Variants in GALNT14 observed in about 807,000 individuals in gnomAD.
The protein encoded by GALNT14 is UDP-GalNAc:polypeptide N-acetylgalactosaminyltransferase 14.
GALNT14 carries 60 observed loss-of-function variants against 77.5 expected under a neutral mutation model. That is an observed-to-expected ratio of 0.77 (90% CI 0.63 to 0.96). The LOEUF (loss-of-function observed/expected upper bound fraction) is 0.96, where lower values mean the gene tolerates loss of function less well. Ranked by LOEUF, GALNT14 falls within the 40% of genes least tolerant of loss-of-function variation. The pLI, the probability that GALNT14 is intolerant of heterozygous loss-of-function variation, is 0.00. For synonymous variants in GALNT14, 280 were observed against 281.7 expected (o/e 0.99, Z 0.06); for missense variants, 710 against 731.0 (o/e 0.97, Z 0.33).
At chr2:31,000,648 G>A (rs6761802) in intron 1 of GALNT14, among the ~76,000 whole-genome samples, 55,125 of 152,020 alleles carry the variant, frequency 0.36, 10,301 homozygotes, top group Middle Eastern at 0.47. Flanking sequence ...TCTTGCTTGG[G>A]GAGGTCAGTT....
intron 7 of GALNT14, among the ~76,000 whole-genome samples, 171 bp downstream of exon 7, chr2:30,945,612 C>G (rs1291889816): frequency 6.6e-6 from 1 of 152,196 alleles, no homozygotes; most frequent in Non-Finnish European, 1.5e-5. Context: ...CCTAGCCCTT[C>G]CATCCACAGT....
At chr2:30,925,300 A>T (rs990176291) in intron 11 of GALNT14, among the ~76,000 whole-genome samples, 1 of 152,180 alleles carries the variant, frequency 6.6e-6, no homozygotes, top group Non-Finnish European at 1.5e-5. Context: ...ATATTCATTG[A>T]GCACCTACTA....
At chr2:31,115,172 G>A (rs1363193188) in intron 1 of GALNT14, among the ~76,000 whole-genome samples, 2 of 151,982 alleles carry the variant, frequency 1.3e-5, no homozygotes, top group African/African-American at 2.4e-5. Context: ...GATCACTTGA[G>A]CCCAGGAGGT....
At chr2:31,122,353 A>C (rs1289400135) in intron 1 of GALNT14, among the ~76,000 whole-genome samples, 1 of 152,242 alleles carries the variant, frequency 6.6e-6, no homozygotes, top group Non-Finnish European at 1.5e-5. Context: ...TGAAGCCGTG[A>C]GTAGAGGAAT....
At chr2:30,925,993 C>T (rs1413168070) in intron 11 of GALNT14, among the ~76,000 whole-genome samples, 2 of 152,152 alleles carry the variant, frequency 1.3e-5, no homozygotes, top group Admixed American at 1.3e-4. Flanking sequence ...CACCTAAGTT[C>T]ATCCATGTCT....
chr2:30,961,374 GGAGT>G (rs1192368473), intron 3 of GALNT14, among the ~76,000 whole-genome samples: 8 of 152,262 alleles, frequency 5.3e-5, no homozygotes, highest in African/African-American at 1.9e-4. Flanking sequence ...TAGTCATTCT[GGAGT>G]GAGACTAACT....
At chr2:31,035,021 C>A (rs191300923) in intron 1 of GALNT14, among the ~76,000 whole-genome samples, 35 of 152,302 alleles carry the variant, frequency 2.3e-4, no homozygotes, top group African/African-American at 7.9e-4. Flanking sequence ...AACATATGGC[C>A]TATCCTAGAG....
chr2:30,949,003 A>G (rs1200106418), intron 6 of GALNT14, among the ~76,000 whole-genome samples: 1 of 152,070 alleles, frequency 6.6e-6, no homozygotes, highest in East Asian at 1.9e-4. Context: ...CTGTCCTTCT[A>G]TTATTCCTGT....
At chr2:30,930,001 G>A (rs192634503) in intron 10 of GALNT14, among the ~76,000 whole-genome samples, 74 of 152,288 alleles carry the variant, frequency 4.9e-4, no homozygotes, top group Non-Finnish European at 8.5e-4. Context: ...GGCATCATGT[G>A]GGTGCTCAGA....
chr2:30,914,869 C>T (rs1463634208), intron 13 of GALNT14, among the ~76,000 whole-genome samples: 4 of 152,036 alleles, frequency 2.6e-5, no homozygotes, highest in Non-Finnish European at 5.9e-5. Context: ...GAAGGTGGGC[C>T]TAGAATATTC....
chr2:31,010,738 G>GC (rs1670976633), intron 1 of GALNT14, among the ~76,000 whole-genome samples: 1 of 152,100 alleles, frequency 6.6e-6, no homozygotes, highest in Non-Finnish European at 1.5e-5. Flanking sequence ...ATCAGAACCT[G>GC]CAAACTCTCC....
chr2:30,926,402 C>T lies in GALNT14; in HGVS notation c.1152-1579G>A, dbSNP rs185007292. Reference sequence around the variant, plus strand: ...ATCAGATGAGGAGTAAGTTTAGGAGCGAACGTCATGAGTTCAGTTTAGGAT... The same window carrying T: ...ATCAGATGAGGAGTAAGTTTAGGAGTGAACGTCATGAGTTCAGTTTAGGAT... On this transcript the variant is annotated intron_variant, in intron 11 of 14. Transcript: ENST00000349752. Among the ~76,000 whole-genome samples, 9 of 152,168 alleles carry T rather than the reference C, an allele frequency of 5.9e-5. No individual in the cohort carries two copies. In the East Asian group the frequency reaches 7.7e-4, roughly 13 times the overall value.
At chr2:31,042,783 A>AT (rs1673180844) in intron 1 of GALNT14, among the ~76,000 whole-genome samples, 1 of 152,108 alleles carries the variant, frequency 6.6e-6, no homozygotes, top group African/African-American at 2.4e-5. Context: ...TCCAGCCTCC[A>AT]CCGTCTCAGG....
At chr2:31,098,984 G>A (rs1677132886) in intron 1 of GALNT14, among the ~76,000 whole-genome samples, 1 of 152,072 alleles carries the variant, frequency 6.6e-6, no homozygotes, top group Non-Finnish European at 1.5e-5. Context: ...GTCTTGCTGT[G>A]TCAGGGGTGG....
rs1665605044 is a variant in GALNT14, at chr2:30,929,589, C to T, written c.1059-102G>A. 9 of 808,986 alleles carry T rather than the reference C, an allele frequency of 1.1e-5. No homozygotes were observed. The South Asian group carries it at 1.3e-4, about 12-fold the overall frequency. 50.1% of individuals were successfully genotyped at this position (808,986 alleles called of 1,614,324 possible). On this transcript the variant is annotated intron_variant, in intron 10 of 14. Coordinates refer to ENST00000349752, the MANE Select transcript of GALNT14 (RefSeq NM_024572.4). ...CATGTGTGGGCTGAGTTGGCAACAC[C>T]ACCTAGGTGGGGGCCACCATGGTCA...
intron 5 of GALNT14, 32 bp downstream of exon 5, chr2:30,955,880 C>G: frequency 6.2e-7 from 1 of 1,613,366 alleles, no homozygotes; most frequent in Non-Finnish European, 8.5e-7. Flanking sequence ...GACACTCACA[C>G]TGGAGGCTCC....
intron 1 of GALNT14, among the ~76,000 whole-genome samples, chr2:31,005,443 C>T (rs1670613811): frequency 6.6e-6 from 1 of 152,216 alleles, no homozygotes; most frequent in Non-Finnish European, 1.5e-5. Flanking sequence ...TACTAATCTT[C>T]ACCCTCACCC....
At chr2:30,995,130 TTGTGTGTGTGTGTGTGTGTGTGTG>T (rs3058232) in intron 1 of GALNT14, among the ~76,000 whole-genome samples, 2 of 144,144 alleles carry the variant, frequency 1.4e-5, no homozygotes, top group East Asian at 2.1e-4. Flanking sequence ...AGAACCAATG[TTGTGTGTGTGTGTGTGTGTGTGTG>T]TGTGTGTGTG....
intron 1 of GALNT14, among the ~76,000 whole-genome samples, chr2:31,088,717 G>T (rs918246960): frequency 4.6e-5 from 7 of 152,200 alleles, no homozygotes; most frequent in Admixed American, 2.0e-4. Flanking sequence ...GTCGGGTGGG[G>T]TTATGTTTAG....
Sources: gnomAD v4.1 joint callset for allele counts (sites outside exome capture counted in the v4.1 genomes callset) on GRCh38, gnomAD v4.1.1 for gene constraint, MANE v1.5 for transcripts, NCBI Gene and HGNC (gene_info 2026-07-23, HGNC 2026-07-21) for gene names.